The following TMEM232 variants were observed in gnomAD, a reference collection of about 807,000 sequenced individuals.
TMEM232 encodes the protein transmembrane protein 232.
TMEM232 carries 80 observed loss-of-function variants against 78.8 expected under a neutral mutation model. The observed-to-expected ratio is 1.01, with a 90% confidence interval of 0.85 to 1.22. The LOEUF is 1.22. Ranked by LOEUF, TMEM232 falls within the 50% of genes most tolerant of loss-of-function variation. The pLI, the probability that TMEM232 is intolerant of heterozygous loss-of-function variation, is 0.00. For missense variants in TMEM232, 881 were observed against 742.2 expected (o/e 1.19, Z -2.17); for synonymous variants, 297 against 254.3 (o/e 1.17, Z -1.60).
At chr5:110,430,802 C>A (rs967120429) in intron 12 of TMEM232, among the ~76,000 whole-genome samples, 10 of 151,686 alleles carry the variant, frequency 6.6e-5, no homozygotes, top group African/African-American at 2.4e-4. Context: ...GATCAATGAC[C>A]TGACAGATAA....
chr5:110,579,619 A>G (rs1777945469), intron 10 of TMEM232, among the ~76,000 whole-genome samples: 2 of 151,700 alleles, frequency 1.3e-5, no homozygotes, highest in African/African-American at 4.8e-5. Context: ...CACAAAATAG[A>G]TTGTTGTATT....
At chr5:110,485,333 T>C (rs977780997) in intron 12 of TMEM232, among the ~76,000 whole-genome samples, 1 of 152,142 alleles carries the variant, frequency 6.6e-6, no homozygotes, top group African/African-American at 2.4e-5. Context: ...CCATAAGTTA[T>C]TGGTGTACAG....
At position 110,603,130 on chromosome 5, in the gene TMEM232, C is replaced by T. The variant is rs188931624; in HGVS notation, c.1276+1979G>A. Among the ~76,000 whole-genome samples the T allele has an allele frequency of 8.6e-5, 13 of 151,964 alleles. 1 individual carries two copies. Among genetic ancestry groups the T allele is most frequent in the East Asian group, 5.8e-4 (3 of 5,166 alleles). ...CACAGGGAGGGGAATATCACACACC[C>T]GGGCCTGTCAGGGGTTGGGGGCAAG... On this transcript the variant is annotated intron_variant, in intron 10 of 13. Coordinates refer to ENST00000455884, the MANE Select transcript of TMEM232 (RefSeq NM_001039763.4).
intron 2 of TMEM232, among the ~76,000 whole-genome samples, chr5:110,733,731 G>T (rs1409600516): frequency 6.6e-6 from 1 of 152,138 alleles, no homozygotes; most frequent in Non-Finnish European, 1.5e-5. Flanking sequence ...AACCTATTGG[G>T]TGCTAGGCTT....
intron 11 of TMEM232, among the ~76,000 whole-genome samples, chr5:110,565,889 T>C (rs1450491174): frequency 6.6e-6 from 1 of 152,104 alleles, no homozygotes; most frequent in African/African-American, 2.4e-5. Flanking sequence ...AAGATTTTTA[T>C]ATCCTTTCTA....
At chr5:110,703,899 C>CCAAGTCT (rs1795671433) in intron 1 of TMEM232, among the ~76,000 whole-genome samples, 2 of 152,002 alleles carry the variant, frequency 1.3e-5, no homozygotes, top group Admixed American at 1.3e-4. Flanking sequence ...ATTACTCGGC[C>CCAAGTCT]CAAGTCTCTT....
intron 12 of TMEM232, among the ~76,000 whole-genome samples, chr5:110,447,992 AC>A (rs1255614104): frequency 6.6e-6 from 1 of 152,038 alleles, no homozygotes; most frequent in Non-Finnish European, 1.5e-5. Context: ...ACCACAGAAA[AC>A]TTATAGAGCT....
At chr5:110,665,877 T>A (rs1790500200) in intron 2 of TMEM232, among the ~76,000 whole-genome samples, 1 of 123,776 alleles carries the variant, frequency 8.1e-6, no homozygotes, top group Non-Finnish European at 1.6e-5. Context: ...CAACAAAGCA[T>A]GACCCCATCT....
At chr5:110,615,229 T>C (rs1782775503) in intron 8 of TMEM232, among the ~76,000 whole-genome samples, 1 of 151,940 alleles carries the variant, frequency 6.6e-6, no homozygotes, top group Non-Finnish European at 1.5e-5. Flanking sequence ...TGTTGCAGAC[T>C]TTTAGAAGGG....
chr5:110,556,036 A>G (rs185612329), intron 11 of TMEM232, among the ~76,000 whole-genome samples: 1 of 152,204 alleles, frequency 6.6e-6, no homozygotes, highest in East Asian at 1.9e-4. Flanking sequence ...TGTGTTAGCC[A>G]GTTGTTCTGT....
At chr5:110,450,188 T>C (rs1300830937) in intron 12 of TMEM232, among the ~76,000 whole-genome samples, 1 of 152,178 alleles carries the variant, frequency 6.6e-6, no homozygotes, top group Admixed American at 6.5e-5. Flanking sequence ...ACTTCCTGTA[T>C]AGTCTGTGGA....
At chr5:110,608,620 T>C (rs1255666442) in intron 8 of TMEM232, among the ~76,000 whole-genome samples, 3 of 152,064 alleles carry the variant, frequency 2.0e-5, no homozygotes. Flanking sequence ...CCATCAGTGT[T>C]AGCCACCTAC....
chr5:110,607,851 T>C (rs529100727), intron 8 of TMEM232, among the ~76,000 whole-genome samples: 46 of 152,046 alleles, frequency 3.0e-4, no homozygotes, highest in African/African-American at 1.1e-3. Context: ...TATTCCATGA[T>C]ACCATAAGGC....
chr5:110,677,844 G>A (rs1207756374), intron 1 of TMEM232, among the ~76,000 whole-genome samples: 1 of 152,042 alleles, frequency 6.6e-6, no homozygotes. Flanking sequence ...ATACTTAGGT[G>A]AGACTCATTT....
intron 1 of TMEM232, among the ~76,000 whole-genome samples, chr5:110,722,039 TCA>T (rs1797700864): frequency 6.6e-6 from 1 of 151,900 alleles, no homozygotes; most frequent in African/African-American, 2.4e-5. Context: ...TTTATTGATA[TCA>T]CATAAAACAT....
intron 8 of TMEM232, among the ~76,000 whole-genome samples, chr5:110,614,815 TACTTTCTATCTGAAAGAATCACC>T (rs1782727336): frequency 6.6e-6 from 1 of 152,004 alleles, no homozygotes; most frequent in Non-Finnish European, 1.5e-5. Flanking sequence ...TCCTACAACT[TACTTTCTATCTGAAAGAATCACC>T]ACAACTTCCA....
chr5:110,608,919 G>T (rs1000962800), intron 8 of TMEM232, among the ~76,000 whole-genome samples: 1 of 152,000 alleles, frequency 6.6e-6, no homozygotes, highest in African/African-American at 2.4e-5. Flanking sequence ...TGAAATTAAA[G>T]TTGTACAAAA....
intron 12 of TMEM232, among the ~76,000 whole-genome samples, chr5:110,521,019 T>G (rs536820344): frequency 2.0e-5 from 3 of 152,182 alleles, no homozygotes; most frequent in Non-Finnish European, 4.4e-5. Context: ...TAAACAGTAT[T>G]GGCTGAGCTC....
chr5:110,585,286 ATTAT>A (rs1581312226), intron 10 of TMEM232, among the ~76,000 whole-genome samples: 1 of 152,260 alleles, frequency 6.6e-6, no homozygotes, highest in East Asian at 1.9e-4. Flanking sequence ...CTAGATTAAA[ATTAT>A]TTAGTAGGAA....
Sources: gnomAD v4.1 joint callset for allele counts (sites outside exome capture counted in the v4.1 genomes callset) on GRCh38, gnomAD v4.1.1 for gene constraint, MANE v1.5 for transcripts, NCBI Gene and HGNC (gene_info 2026-07-23, HGNC 2026-07-21) for gene names.